Variants in YIPF6 observed in about 807,000 individuals in gnomAD.
YIPF6 encodes the protein Yip1 domain family member 6, also known as protein YIPF6.
YIPF6 carries 3 observed loss-of-function variants against 16.8 expected under a neutral mutation model. That is an observed-to-expected ratio of 0.18 (90% CI 0.08 to 0.46). YIPF6 has a LOEUF of 0.46. YIPF6 is among the 20% of genes least tolerant of loss of function. The probability of loss-of-function intolerance (pLI) is 0.98; values close to 1 mark genes in which losing one functional copy is unlikely to be tolerated. For missense variants in YIPF6, 145 were observed against 184.9 expected, an observed-to-expected ratio of 0.78 and a Z score of 1.25; for synonymous variants, 67 against 61.9, an observed-to-expected ratio of 1.08 and a Z score of -0.38.
chrX:68,532,966 A>C lies in YIPF6; in HGVS notation c.*967A>C, dbSNP rs1297817300. The C allele has an allele frequency of 8.9e-6, 1 of 111,752 alleles. No homozygotes were observed. The highest frequency in any genetic ancestry group is 1.9e-5 in the Non-Finnish European group (1 of 53,199). The allele number at this position is 111,752 out of a possible 1,213,427, so 9.2% of individuals were successfully genotyped here. On this transcript the variant is annotated 3_prime_UTR_variant, in exon 7 of 7. Transcript: ENST00000462683. ...AGTCTGGCCTCTTAACTAGAAAGTA[A>C]AGCTAAATCAGAAGCCTGTATTTAA... is the stretch of plus-strand genomic sequence containing the variant.
At chrX:68,520,108 G>A (rs1372371823) in intron 4 of YIPF6, among the ~76,000 whole-genome samples, 1 of 111,970 alleles carries the variant, frequency 8.9e-6, no homozygotes. Context: ...AACAAGTGAT[G>A]AGTGCTGGCC....
At chrX:68,502,727 A>G (rs2147816870) in intron 1 of YIPF6, among the ~76,000 whole-genome samples, 1 of 111,324 alleles carries the variant, frequency 9.0e-6, no homozygotes, top group African/African-American at 3.3e-5. Flanking sequence ...TTGTTGATTT[A>G]GGAGTCATCT....
At chrX:68,520,960 C>A (rs767832302) in intron 4 of YIPF6, among the ~76,000 whole-genome samples, 1 of 111,193 alleles carries the variant, frequency 9.0e-6, no homozygotes, top group East Asian at 2.8e-4. Context: ...GAAAGTCTAA[C>A]AGTTTTTTCA....
rs1035448450 is a variant in YIPF6, at chrX:68,533,297, A to G, written c.*1298A>G. 5 of 111,845 alleles carry G rather than the reference A, an allele frequency of 4.5e-5. No homozygotes were observed. The highest frequency in any genetic ancestry group is 9.4e-5 in the Non-Finnish European group (5 of 53,211). The allele number at this position is 111,845 out of a possible 1,213,427, so 9.2% of individuals were successfully genotyped here. ...TTTCAGGGAGCAGAGCATCTGGGAC[A>G]GGCTGATTCTGAGCTAAACAGGGCT... On this transcript the variant is annotated 3_prime_UTR_variant, in exon 7 of 7. Transcript: ENST00000462683.
At position 68,534,457 on chromosome X, in the gene YIPF6, A is replaced by T. The variant is rs1483004682; in HGVS notation, c.*2458A>T. On this transcript the variant is annotated 3_prime_UTR_variant, in exon 7 of 7. Transcript: ENST00000462683. ...AATTTTTTTGAAATAGACAATTCTG[A>T]TGTTCTCTTTAGAAATAACTCAGTT... 1 of 111,566 alleles carries T rather than the reference A, an allele frequency of 9.0e-6. No homozygotes were observed. The highest frequency in any genetic ancestry group is 9.6e-5 in the Admixed American group (1 of 10,446). 9.2% of individuals were successfully genotyped at this position (111,566 alleles called of 1,213,427 possible).
chrX:68,535,648 AAAT>A lies in YIPF6; in HGVS notation c.*3659_*3661del, dbSNP rs904851261. On this transcript the variant is annotated 3_prime_UTR_variant, in exon 7 of 7. Transcript: ENST00000462683. ...GGTTTACTTAGGCCACAGAATGGCC[AAAT>A]AATAATAATGACAATGATATTACTA... The A allele has an allele frequency of 1.8e-5, 2 of 112,097 alleles. No homozygotes were observed. The highest frequency in any genetic ancestry group is 3.2e-5 in the African/African-American group (1 of 30,858). The allele number at this position is 112,097 out of a possible 1,213,427, so 9.2% of individuals were successfully genotyped here.
intron 6 of YIPF6, among the ~76,000 whole-genome samples, chrX:68,525,239 T>C (rs910018052): frequency 1.8e-5 from 2 of 112,583 alleles, no homozygotes; most frequent in African/African-American, 6.5e-5. Context: ...TCATGAGCAG[T>C]GATGATGAGC....
intron 6 of YIPF6, among the ~76,000 whole-genome samples, chrX:68,528,054 G>A (rs1289043412): frequency 7.2e-5 from 8 of 111,298 alleles, no homozygotes; most frequent in African/African-American, 1.6e-4. Context: ...TTTCTGTCTC[G>A]TCTATCTGTC....
intron 6 of YIPF6, among the ~76,000 whole-genome samples, chrX:68,525,807 T>G (rs1436332520): frequency 9.0e-6 from 1 of 111,610 alleles, no homozygotes; most frequent in Non-Finnish European, 1.9e-5. Context: ...ATGGGAGGCA[T>G]TATTTCTGAG....
intron 6 of YIPF6, among the ~76,000 whole-genome samples, chrX:68,531,528 C>T (rs906918299): frequency 1.9e-4 from 21 of 112,050 alleles, no homozygotes; most frequent in Non-Finnish European, 1.7e-4. Flanking sequence ...GCACAGTTAG[C>T]TCAAAAAGCA....
chrX:68,519,852 A>G (rs1384227279), intron 4 of YIPF6, among the ~76,000 whole-genome samples: 1 of 112,266 alleles, frequency 8.9e-6, no homozygotes, highest in Non-Finnish European at 1.9e-5. Flanking sequence ...TAAGGGATGC[A>G]GCCTAATGCC....
At chrX:68,530,475 A>T (rs185172055) in intron 6 of YIPF6, among the ~76,000 whole-genome samples, 639 of 109,496 alleles carry the variant, frequency 5.8e-3, no homozygotes, top group South Asian at 0.017. Context: ...GGGAGTGAAC[A>T]CTTCTGTCTC....
At chrX:68,526,346 T>C (rs765180497) in intron 6 of YIPF6, among the ~76,000 whole-genome samples, 19 of 95,637 alleles carry the variant, frequency 2.0e-4, no homozygotes, top group African/African-American at 1.1e-3. Flanking sequence ...CCTGAGACTT[T>C]GCTGAAGTTG....
chrX:68,537,221 CTG>C lies in YIPF6; in HGVS notation c.*5225_*5226del, dbSNP rs776413917. 14 of 112,036 alleles carry C rather than the reference CTG, an allele frequency of 1.2e-4. No individual in the cohort carries two copies. The highest frequency in any genetic ancestry group is 2.9e-4 in the African/African-American group (9 of 30,897). The allele number at this position is 112,036 out of a possible 1,213,427, so 9.2% of individuals were successfully genotyped here. On this transcript the variant is annotated 3_prime_UTR_variant, in exon 7 of 7. Transcript: ENST00000462683. ...TGATTTTTTTCTATAAATAATAAAT[CTG>C]TGAAAAATCTGTAAAAAGATTTGTG... is the stretch of plus-strand genomic sequence containing the variant.
At chrX:68,529,456 A>G (rs1314851045) in intron 6 of YIPF6, among the ~76,000 whole-genome samples, 2 of 109,947 alleles carry the variant, frequency 1.8e-5, no homozygotes, top group African/African-American at 3.3e-5. Flanking sequence ...GTTATTACCC[A>G]CCTTCTGAAG....
rs1437041396 is a variant in YIPF6 at position 68,532,378 on chromosome X, A to G, written c.*379A>G. 3 of 121,144 alleles carry G rather than the reference A, an allele frequency of 2.5e-5. No homozygotes were observed. The highest frequency in any genetic ancestry group is 6.4e-5 in the African/African-American group (2 of 31,021). 10.0% of individuals were successfully genotyped at this position (121,144 alleles called of 1,213,427 possible). On this transcript the variant is annotated 3_prime_UTR_variant, in exon 7 of 7. Transcript: ENST00000462683. The stretch of plus-strand genomic sequence containing the variant: ...AACTATTTTCAGTTTTGAGAATACC[A>G]GTTCAGGTGCAGCTCTTAAACACAT...
In YIPF6 at chrX:68,533,532, G is replaced by T. The variant is rs939238574; in HGVS notation, c.*1533G>T. On this transcript the variant is annotated 3_prime_UTR_variant, in exon 7 of 7. Transcript: ENST00000462683. ...AAAGACTACCTACACATAGATATAT[G>T]ATTCCAAAGTCATACTTTCTCCATC... The T allele has an allele frequency of 9.0e-6, 1 of 111,598 alleles. No individual in the cohort carries two copies. Among genetic ancestry groups the T allele is most frequent in the African/African-American group, 3.3e-5 (1 of 30,706 alleles). 9.2% of individuals were successfully genotyped at this position (111,598 alleles called of 1,213,427 possible).
chrX:68,522,420 C>G (rs2079130122), intron 5 of YIPF6, among the ~76,000 whole-genome samples: 1 of 110,062 alleles, frequency 9.1e-6, no homozygotes, highest in South Asian at 3.9e-4. Flanking sequence ...CCTCAGCCTC[C>G]TGAGTAGCTG....
At position 68,526,652 on chromosome X, in the gene YIPF6, ATACC is replaced by A. The variant is rs895656544; in HGVS notation, c.592+3738_592+3741del. On this transcript the variant is annotated intron_variant, in intron 6 of 6. Transcript: ENST00000462683. ...TATTATTTTGAGATACGTTCCATCAATACCTAGTTTATTGAGAGTTTTTAGCATG... is the reference window on the plus strand; with the variant it reads ...TATTATTTTGAGATACGTTCCATCAATAGTTTATTGAGAGTTTTTAGCATG... Among the ~76,000 whole-genome samples, 14 of 111,844 alleles carry A rather than the reference ATACC, an allele frequency of 1.3e-4. 1 individual carries two copies. The highest frequency in any genetic ancestry group is 4.5e-4 in the African/African-American group (14 of 30,773).
Sources: allele counts gnomAD v4.1 joint callset (sites outside exome capture counted in the v4.1 genomes callset), GRCh38; gene constraint gnomAD v4.1.1; transcripts MANE v1.5; gene names NCBI Gene and HGNC (gene_info 2026-07-23, HGNC 2026-07-21).